The following CDH4 variants were observed in gnomAD, a reference collection of about 807,000 sequenced individuals.
CDH4 encodes cadherin 4.
CDH4 carries 33 observed loss-of-function variants against 86.0 expected under a neutral mutation model. The ratio of observed to expected loss-of-function variants is 0.38; its 90% CI spans 0.29 to 0.51. The LOEUF (loss-of-function observed/expected upper bound fraction) is 0.51. CDH4 is among the 20% of genes least tolerant of loss of function. CDH4 has a pLI of 0.86. For missense variants in CDH4, 1,114 were observed against 1,307.4 expected, an observed-to-expected ratio of 0.85 and a Z score of 2.28; for synonymous variants, 555 against 549.4, an observed-to-expected ratio of 1.01 and a Z score of -0.14.
chr20:61,253,879 G>C (rs899877759), intron 1 of CDH4, among the ~76,000 whole-genome samples: 1 of 152,186 alleles, frequency 6.6e-6, no homozygotes, highest in Admixed American at 6.5e-5. Flanking sequence ...CCCGGTGCGG[G>C]CTGCACCCGA....
chr20:61,914,359 C>A (rs1410940606), intron 9 of CDH4, among the ~76,000 whole-genome samples: 2 of 152,162 alleles, frequency 1.3e-5, no homozygotes, highest in Non-Finnish European at 2.9e-5. Flanking sequence ...CTACCCGGCC[C>A]CCGCTTTTTT....
At chr20:61,256,690 C>T (rs781030977) in intron 2 of CDH4, among the ~76,000 whole-genome samples, 5 of 152,250 alleles carry the variant, frequency 3.3e-5, no homozygotes, top group South Asian at 4.1e-4. Context: ...TCCAAGTGCC[C>T]GTTGACTTAC....
At chr20:61,629,392 T>TA (rs11475967) in intron 2 of CDH4, among the ~76,000 whole-genome samples, 63 of 149,708 alleles carry the variant, frequency 4.2e-4, no homozygotes, top group Non-Finnish European at 5.1e-4. Context: ...AGAAATGAAA[T>TA]AAAAAAAAAA....
chr20:61,443,243 T>C (rs1332798546), intron 2 of CDH4, among the ~76,000 whole-genome samples: 2 of 152,242 alleles, frequency 1.3e-5, no homozygotes, highest in Non-Finnish European at 2.9e-5. Context: ...TGCTCTTTAA[T>C]TGGTGCAGTA....
chr20:61,628,036 C>T (rs1281816445), intron 2 of CDH4, among the ~76,000 whole-genome samples: 1 of 152,178 alleles, frequency 6.6e-6, no homozygotes, highest in Non-Finnish European at 1.5e-5. Flanking sequence ...CCCACCTCAC[C>T]CCTGTGGCCC....
Position 61,844,719 on chromosome 20 carries a change from G to C in CDH4, c.628G>C (p.Val210Leu), listed in dbSNP as rs367651785. ...CCCCATCCGGTACAGCATCACGGGA[G>C]TGGGCGCCGACCAGCCCCCCATGGA... ...DIPIRYSITG[V>L]GADQPPMEVF... is the part of the protein sequence containing the mutation. The change falls in exon 5 of 16, where the codon GTG becomes CTG. Residue 210 changes from valine to leucine, a missense_variant. Physicochemically the swap from Val to Leu is conservative, Grantham distance 32 (BLOSUM62 1). Around this residue, in one of 3 missense-constraint regions of CDH4, gnomAD observed 705 missense variants for 914.1 expected, o/e 0.77. Coordinates refer to ENST00000614565, the MANE Select transcript of CDH4 (RefSeq NM_001794.5). 1.2e-6 allele frequency: 2 copies of C among 1,614,012 alleles called. No homozygotes were observed. Among genetic ancestry groups the C allele is most frequent in the East Asian group, 4.5e-5 (2 of 44,872 alleles).
intron 3 of CDH4, among the ~76,000 whole-genome samples, chr20:61,757,235 C>T (rs1042064549): frequency 2.1e-5 from 2 of 93,054 alleles, no homozygotes; most frequent in East Asian, 4.0e-4. Flanking sequence ...GAACACAGAC[C>T]CCCCCCCCAG....
At chr20:61,710,456 C>T (rs1348930527) in intron 2 of CDH4, among the ~76,000 whole-genome samples, 5 of 152,256 alleles carry the variant, frequency 3.3e-5, no homozygotes, top group Non-Finnish European at 5.9e-5. Context: ...CTCGCTCCTG[C>T]GGCAGAGCCC....
At chr20:61,352,594 T>G (rs1157004442) in intron 2 of CDH4, among the ~76,000 whole-genome samples, 1 of 150,966 alleles carries the variant, frequency 6.6e-6, no homozygotes, top group African/African-American at 2.4e-5. Context: ...AAACAAAGCT[T>G]TGTATTTTGT....
intron 2 of CDH4, among the ~76,000 whole-genome samples, chr20:61,356,551 T>C (rs1297890498): frequency 6.6e-6 from 1 of 152,232 alleles, no homozygotes; most frequent in Non-Finnish European, 1.5e-5. Context: ...GTAAAAGCCG[T>C]GCAGTTGCTT....
chr20:61,820,873 T>C (rs189150539), intron 4 of CDH4, among the ~76,000 whole-genome samples: 126 of 152,238 alleles, frequency 8.3e-4, no homozygotes, highest in African/African-American at 2.9e-3. Flanking sequence ...CAGGACCCTC[T>C]GTCCACCTGG....
chr20:61,802,901 C>T (rs1016461769), intron 4 of CDH4, among the ~76,000 whole-genome samples: 19 of 152,226 alleles, frequency 1.2e-4, no homozygotes, highest in African/African-American at 3.9e-4. Context: ...GCGGGATAGT[C>T]GCAGGCTGGC....
intron 2 of CDH4, among the ~76,000 whole-genome samples, chr20:61,624,791 G>A (rs1439989144): frequency 5.3e-5 from 8 of 152,216 alleles, no homozygotes; most frequent in South Asian, 2.1e-4. Flanking sequence ...AAGAAGAGTC[G>A]GGGCATTCTG....
intron 2 of CDH4, among the ~76,000 whole-genome samples, chr20:61,565,193 T>TTGGTGGTGGGGTGGTGG (rs2086265377): frequency 1.2e-5 from 1 of 83,466 alleles, no homozygotes; most frequent in East Asian, 3.1e-4. Flanking sequence ...GGTGGTCCTC[T>TTGGTGGTGGGGTGGTGG]TGGTGGTGGT....
chr20:61,661,081 T>C lies in CDH4; in HGVS notation c.170-82482T>C, dbSNP rs1433476596. ...AGGGAGGCGGCATGGACAGGAGGCATGGCGGGGGGGGGGGAGACACAGTGC... is the reference window on the plus strand; with the variant it reads ...AGGGAGGCGGCATGGACAGGAGGCACGGCGGGGGGGGGGGAGACACAGTGC... On this transcript the variant is annotated intron_variant, in intron 2 of 15. Coordinates refer to ENST00000614565, the MANE Select transcript of CDH4 (RefSeq NM_001794.5). Among the ~76,000 whole-genome samples, 2 of 15,166 alleles carry C rather than the reference T, an allele frequency of 1.3e-4. 1 individual carries two copies. The allele number at this position is 15,166 out of a possible 152,430, so 9.9% of individuals were successfully genotyped here. A position where few individuals can be genotyped will look rare whatever the true frequency, so the allele number is the denominator to read the frequency against.
At chr20:61,644,615 A>T (rs1197123877) in intron 2 of CDH4, among the ~76,000 whole-genome samples, 1 of 152,174 alleles carries the variant, frequency 6.6e-6, no homozygotes, top group East Asian at 1.9e-4. Context: ...CGGGCTCAGG[A>T]GGGGCGGTCT....
intron 2 of CDH4, among the ~76,000 whole-genome samples, chr20:61,355,241 G>A (rs1479142308): frequency 2.0e-5 from 3 of 152,178 alleles, no homozygotes. Flanking sequence ...AGTCAAGGGG[G>A]TGACCAAGAA....
chr20:61,324,541 C>T (rs893348872), intron 2 of CDH4, among the ~76,000 whole-genome samples: 1 of 152,158 alleles, frequency 6.6e-6, no homozygotes, highest in Non-Finnish European at 1.5e-5. Flanking sequence ...TGGCCTCTTC[C>T]TGGTGTGTCT....
At chr20:61,812,174 G>C (rs573172730) in intron 4 of CDH4, among the ~76,000 whole-genome samples, 57 of 152,280 alleles carry the variant, frequency 3.7e-4, no homozygotes, top group Non-Finnish European at 6.3e-4. Context: ...CTGGGGTTTA[G>C]GGGCATGTTA....
Sources: allele counts gnomAD v4.1 joint callset (sites outside exome capture counted in the v4.1 genomes callset), GRCh38; gene constraint gnomAD v4.1.1; regional missense constraint gnomAD v4.1.1; transcripts MANE v1.5; gene names NCBI Gene and HGNC (gene_info 2026-07-23, HGNC 2026-07-21).